The following MCU variants were observed in gnomAD, a reference collection of about 807,000 sequenced individuals.
MCU encodes calcium uniporter protein, mitochondrial.
Under a neutral mutation model 45.2 loss-of-function variants are expected in MCU, and 12 were observed. That is an observed-to-expected ratio of 0.27 (90% CI 0.17 to 0.43). The LOEUF (loss-of-function observed/expected upper bound fraction) is 0.43, where lower values mean the gene tolerates loss of function less well. MCU is among the 20% of genes least tolerant of loss of function. The pLI is 1.00. For missense variants in MCU, 324 were observed against 436.7 expected (o/e 0.74, Z 2.30); for synonymous variants, 160 against 165.1 (o/e 0.97, Z 0.24).
intron 1 of MCU, among the ~76,000 whole-genome samples, chr10:72,699,951 A>G (rs972987435): frequency 6.6e-6 from 1 of 151,738 alleles, no homozygotes; most frequent in Non-Finnish European, 1.5e-5. Context: ...TGGGTCACGC[A>G]TCTTCTCATT....
At chr10:72,763,349 A>G (rs1843681162) in intron 1 of MCU, among the ~76,000 whole-genome samples, 1 of 152,120 alleles carries the variant, frequency 6.6e-6, no homozygotes, top group Non-Finnish European at 1.5e-5. Flanking sequence ...GAGCCCAGGA[A>G]AAGCTTCGAG....
intron 1 of MCU, among the ~76,000 whole-genome samples, chr10:72,742,022 C>CAAAAAAAAA (rs59028044): frequency 5.2e-4 from 38 of 72,848 alleles, no homozygotes; most frequent in East Asian, 1.5e-3. Context: ...GACTCCGTCT[C>CAAAAAAAAA]AAAAAAAAAA....
At chr10:72,830,880 C>T (rs751060866) in intron 1 of MCU, among the ~76,000 whole-genome samples, 7 of 152,182 alleles carry the variant, frequency 4.6e-5, no homozygotes, top group East Asian at 1.9e-4. Context: ...AGGAAGCTGC[C>T]GACCTCAGAC....
chr10:72,778,633 G>A (rs1843937577), intron 1 of MCU, among the ~76,000 whole-genome samples: 1 of 152,044 alleles, frequency 6.6e-6, no homozygotes, highest in African/African-American at 2.4e-5. Flanking sequence ...CAAGAACACT[G>A]TCCTTGTTTT....
intron 1 of MCU, among the ~76,000 whole-genome samples, chr10:72,825,156 A>G (rs1311604348): frequency 1.3e-5 from 2 of 152,240 alleles, no homozygotes; most frequent in Non-Finnish European, 2.9e-5. Context: ...AGAAGAATAC[A>G]ACAGGGCACA....
chr10:72,806,778 T>G lies in MCU; in HGVS notation c.151-27581T>G, dbSNP rs560757875. ...GAGGACCTTTTTGAGGAGGGGTTGT[T>G]TAGTGAAACCTGAATGATGAGAAGG... On this transcript the variant is annotated intron_variant, in intron 1 of 7. Coordinates refer to ENST00000373053, the MANE Select transcript of MCU (RefSeq NM_138357.3). Among the ~76,000 whole-genome samples the G allele has an allele frequency of 7.2e-5, 11 of 152,324 alleles. 1 individual carries two copies. In the South Asian group the frequency reaches 2.3e-3, roughly 32 times the overall value.
intron 2 of MCU, among the ~76,000 whole-genome samples, chr10:72,841,342 A>C (rs1017227342): frequency 6.6e-6 from 1 of 151,788 alleles, no homozygotes; most frequent in Admixed American, 6.6e-5. Flanking sequence ...TGCTCTTGTC[A>C]CCAGGCTGAA....
chr10:72,849,193 A>C (rs1845168652), intron 2 of MCU, among the ~76,000 whole-genome samples: 1 of 151,492 alleles, frequency 6.6e-6, no homozygotes, highest in Non-Finnish European at 1.5e-5. Context: ...AGGCAGGAGA[A>C]TCGCTTGAGC....
At chr10:72,799,512 C>T (rs917359138) in intron 1 of MCU, among the ~76,000 whole-genome samples, 3 of 151,010 alleles carry the variant, frequency 2.0e-5, no homozygotes, top group Non-Finnish European at 2.9e-5. Context: ...AAACAAGATG[C>T]GGTCTCACTA....
At chr10:72,707,931 CT>C (rs1842844425) in intron 1 of MCU, among the ~76,000 whole-genome samples, 3 of 152,024 alleles carry the variant, frequency 2.0e-5, no homozygotes, top group Non-Finnish European at 4.4e-5. Context: ...GCCTCACCTT[CT>C]TCAGTAGCTG....
At chr10:72,827,740 C>T (rs1379489381) in intron 1 of MCU, among the ~76,000 whole-genome samples, 1 of 151,958 alleles carries the variant, frequency 6.6e-6, no homozygotes, top group Non-Finnish European at 1.5e-5. Context: ...TAAGTGAAAC[C>T]AGCCTTGTGA....
Position 72,862,261 on chromosome 10 carries a change from G to C in MCU, c.496+1734G>C, listed in dbSNP as rs530322044. On this transcript the variant is annotated intron_variant, in intron 4 of 7. Coordinates refer to ENST00000373053, the MANE Select transcript of MCU (RefSeq NM_138357.3). ...CTCCCAAAGTGCTGGGATTACAGGC[G>C]TGAGCCACCGCACCCGGCCGAGTTG... Among the ~76,000 whole-genome samples the C allele has an allele frequency of 2.0e-5, 3 of 152,212 alleles. No individual in the cohort carries two copies. The South Asian group carries it at 6.2e-4, about 32-fold the overall frequency.
At chr10:72,716,012 G>T (rs776658501) in intron 1 of MCU, 19 of 401,398 alleles carry the variant, frequency 4.7e-5, no homozygotes, top group Non-Finnish European at 6.1e-5. Context: ...TGATTTTTCT[G>T]CCCCCTGTTA....
chr10:72,805,848 A>G (rs1375042007), intron 1 of MCU, among the ~76,000 whole-genome samples: 1 of 152,232 alleles, frequency 6.6e-6, no homozygotes, highest in Non-Finnish European at 1.5e-5. Flanking sequence ...TTTTAATTTC[A>G]TAAGCACTTA....
intron 1 of MCU, among the ~76,000 whole-genome samples, chr10:72,701,564 T>C (rs998914604): frequency 2.0e-5 from 3 of 152,188 alleles, no homozygotes; most frequent in African/African-American, 7.2e-5. Flanking sequence ...TCTTACTCTG[T>C]CGCCCAGGCT....
In MCU at chr10:72,692,314, G is replaced by A; in HGVS notation, c.150+13G>A. The stretch of plus-strand genomic sequence containing the variant: ...GCACCACCGGACGGTGAGCGAGCGC[G>A]CCCGGAGGCTCCGGGGAGGGCGGGG... On this transcript the variant is annotated intron_variant, in intron 1 of 7. Transcript: ENST00000373053. 8.3e-7 allele frequency: 1 copy of A among 1,209,370 alleles called. No homozygotes were observed. The highest frequency in any genetic ancestry group is 1.0e-6 in the Non-Finnish European group (1 of 972,812). 74.9% of individuals were successfully genotyped at this position (1,209,370 alleles called of 1,614,324 possible). A position where few individuals can be genotyped will look rare whatever the true frequency, so the allele number is the denominator to read the frequency against.
At chr10:72,824,888 T>A (rs930360507) in intron 1 of MCU, among the ~76,000 whole-genome samples, 2 of 152,224 alleles carry the variant, frequency 1.3e-5, no homozygotes, top group Non-Finnish European at 2.9e-5. Context: ...CTTCTTGATT[T>A]GAAATTGTTT....
chr10:72,875,603 T>A (rs1845605507), intron 6 of MCU, among the ~76,000 whole-genome samples: 1 of 152,238 alleles, frequency 6.6e-6, no homozygotes, highest in African/African-American at 2.4e-5. Flanking sequence ...CAAATGCCTG[T>A]TCAATGGCAT....
intron 1 of MCU, among the ~76,000 whole-genome samples, chr10:72,787,300 G>T (rs765660903): frequency 6.6e-6 from 1 of 152,146 alleles, no homozygotes; most frequent in African/African-American, 2.4e-5. Context: ...ACAGAATCTC[G>T]CTCTGTCGCC....
Sources: allele counts gnomAD v4.1 joint callset (sites outside exome capture counted in the v4.1 genomes callset), GRCh38; gene constraint gnomAD v4.1.1; transcripts MANE v1.5; gene names NCBI Gene and HGNC (gene_info 2026-07-23, HGNC 2026-07-21).